The following CFAP299 variants were observed in gnomAD, a reference collection of about 807,000 sequenced individuals.
CFAP299 encodes the protein cilia- and flagella-associated protein 299.
In CFAP299, 21 loss-of-function variants were observed where a neutral mutation model predicts 27.0. That is an observed-to-expected ratio of 0.78 (90% CI 0.55 to 1.12). The LOEUF (loss-of-function observed/expected upper bound fraction) is 1.12, where lower values mean the gene tolerates loss of function less well. CFAP299 is among the 50% of genes most tolerant of loss of function. CFAP299 has a pLI of 0.00. For synonymous variants in CFAP299, 104 were observed against 98.1 expected (o/e 1.06, Z -0.36); for missense variants, 310 against 276.6 (o/e 1.12, Z -0.86).
chr4:80,626,939 C>G (rs780262029), intron 3 of CFAP299, among the ~76,000 whole-genome samples: 14 of 151,678 alleles, frequency 9.2e-5, no homozygotes, highest in Non-Finnish European at 1.5e-4. Flanking sequence ...AAAAATTTTG[C>G]TTAACTCTTC....
In CFAP299 at chr4:80,572,507, G is replaced by GTT. The variant is rs550414533; in HGVS notation, c.243-10559_243-10558dup. Among the ~76,000 whole-genome samples, 198 of 36,380 alleles carry GTT rather than the reference G, an allele frequency of 5.4e-3. 52 individuals carry two copies. The highest frequency in any genetic ancestry group is 0.018 in the South Asian group (9 of 512). The allele number at this position is 36,380 out of a possible 152,430, so 23.9% of individuals were successfully genotyped here. ...TGTTGTTGCACATGACTGGATCCCA[G>GTT]TTTTTTTTTTTTTTTTTTTTTTTTT... is the stretch of plus-strand genomic sequence containing the variant. On this transcript the variant is annotated intron_variant, in intron 2 of 5. Transcript: ENST00000358105.
At chr4:80,939,534 C>T (rs1737086839) in intron 4 of CFAP299, among the ~76,000 whole-genome samples, 1 of 151,934 alleles carries the variant, frequency 6.6e-6, no homozygotes, top group South Asian at 2.1e-4. Context: ...GAATTTCTCA[C>T]TTTGTTTATG....
At chr4:80,386,384 C>T (rs1280423543) in intron 2 of CFAP299, 10 of 1,526,640 alleles carry the variant, frequency 6.6e-6, no homozygotes, top group African/African-American at 4.1e-5. Context: ...CCGGGACGGC[C>T]TCGGGCACCA....
chr4:80,422,748 G>A (rs949926640), intron 2 of CFAP299, among the ~76,000 whole-genome samples: 1 of 152,138 alleles, frequency 6.6e-6, no homozygotes, highest in African/African-American at 2.4e-5. Flanking sequence ...TGGCACTGGG[G>A]ATGAGGCAGC....
At chr4:80,363,025 A>G (rs1174526157) in intron 2 of CFAP299, 141 bp downstream of exon 2, 2 of 921,642 alleles carry the variant, frequency 2.2e-6, no homozygotes, top group Non-Finnish European at 3.0e-6. Flanking sequence ...TGTTCTGCAG[A>G]TGAGGAACTG....
intron 2 of CFAP299, among the ~76,000 whole-genome samples, chr4:80,480,862 A>G (rs1015517396): frequency 1.3e-5 from 2 of 152,076 alleles, no homozygotes; most frequent in African/African-American, 4.8e-5. Context: ...CCCATAAAAT[A>G]TTTTTAAAAT....
intron 3 of CFAP299, among the ~76,000 whole-genome samples, chr4:80,674,908 A>G (rs1719328690): frequency 6.6e-6 from 1 of 152,094 alleles, no homozygotes; most frequent in African/African-American, 2.4e-5. Flanking sequence ...TGTTTATTCT[A>G]GTTAGCCATT....
chr4:80,590,374 C>T (rs561865331), intron 3 of CFAP299, among the ~76,000 whole-genome samples: 1 of 152,270 alleles, frequency 6.6e-6, no homozygotes, highest in Non-Finnish European at 1.5e-5. Flanking sequence ...CACAGTGGCT[C>T]ATGCCTGTAA....
At chr4:80,616,349 T>A (rs1381846982) in intron 3 of CFAP299, among the ~76,000 whole-genome samples, 1 of 152,174 alleles carries the variant, frequency 6.6e-6, no homozygotes, top group East Asian at 1.9e-4. Flanking sequence ...TAAAGTTTTG[T>A]ATATACATAT....
chr4:80,859,403 C>G (rs1228252042), intron 3 of CFAP299, among the ~76,000 whole-genome samples: 2 of 151,888 alleles, frequency 1.3e-5, no homozygotes, highest in African/African-American at 4.8e-5. Context: ...GCATTTAGTC[C>G]ATTTACATTT....
At chr4:80,572,507 G>GTTT (rs550414533) in intron 2 of CFAP299, among the ~76,000 whole-genome samples, 1,113 of 36,338 alleles carry the variant, frequency 0.031, 304 homozygotes, top group East Asian at 0.2. Context: ...CTGGATCCCA[G>GTTT]TTTTTTTTTT....
At chr4:80,387,915 C>T in intron 2 of CFAP299, 1 of 869,012 alleles carries the variant, frequency 1.2e-6, no homozygotes, top group Non-Finnish European at 1.9e-6. Flanking sequence ...TGGCACTGGT[C>T]ATGGGGCAGC....
chr4:80,588,205 G>A (rs189240101), intron 3 of CFAP299, among the ~76,000 whole-genome samples: 1 of 151,156 alleles, frequency 6.6e-6, no homozygotes, highest in Admixed American at 6.5e-5. Context: ...GTGGGAGATG[G>A]AGAAGTGGCT....
At chr4:80,617,638 G>A (rs1208915370) in intron 3 of CFAP299, among the ~76,000 whole-genome samples, 3 of 152,086 alleles carry the variant, frequency 2.0e-5, no homozygotes, top group Non-Finnish European at 4.4e-5. Context: ...AAGGGTGGCA[G>A]ACATAAATTC....
At position 80,571,649 on chromosome 4, in the gene CFAP299, G is replaced by T. The variant is rs557044450; in HGVS notation, c.243-11444G>T. Among the ~76,000 whole-genome samples, 89 of 151,972 alleles carry T rather than the reference G, an allele frequency of 5.9e-4. 1 individual carries two copies. Among genetic ancestry groups the T allele is most frequent in the African/African-American group, 2.0e-3 (82 of 41,330 alleles). ...CTAACCCCAAATATCATGGTATTTG[G>T]AGACTGAGGCTTTGGGAGGTCACTA... is the stretch of plus-strand genomic sequence containing the variant. On this transcript the variant is annotated intron_variant, in intron 2 of 5. Coordinates refer to ENST00000358105, the MANE Select transcript of CFAP299 (RefSeq NM_152770.3).
intron 3 of CFAP299, among the ~76,000 whole-genome samples, chr4:80,819,643 A>T (rs966277469): frequency 1.3e-5 from 2 of 152,194 alleles, no homozygotes; most frequent in African/African-American, 4.8e-5. Flanking sequence ...TAAAATAACG[A>T]TCTCTATGTA....
chr4:80,329,521 A>C, the CFAP299 span, among the ~76,000 whole-genome samples: 1 of 152,268 alleles, frequency 6.6e-6, no homozygotes, highest in Non-Finnish European at 1.5e-5. Flanking sequence ...TGTTTCAATA[A>C]GTGAGATTGA....
At position 80,443,003 on chromosome 4, in the gene CFAP299, G is replaced by C. The variant is rs984927921; in HGVS notation, c.242+80119G>C. On this transcript the variant is annotated intron_variant, in intron 2 of 5. Coordinates refer to ENST00000358105, the MANE Select transcript of CFAP299 (RefSeq NM_152770.3). ...CTAAACCAGGAGAAGTCGAATCCCT[G>C]AATAGACTAATAACAAGTTCTGAAA... 7.2e-5 allele frequency among the ~76,000 whole-genome samples: 11 copies of C among 152,160 alleles called. No individual in the cohort carries two copies. The South Asian group carries it at 2.3e-3, about 32-fold the overall frequency.
chr4:80,521,611 A>C (rs1245494047), intron 2 of CFAP299, among the ~76,000 whole-genome samples: 2 of 151,970 alleles, frequency 1.3e-5, no homozygotes, highest in African/African-American at 4.8e-5. Context: ...ACAACAGCTC[A>C]CCACTTCCCC....
Sources: allele counts gnomAD v4.1 joint callset (sites outside exome capture counted in the v4.1 genomes callset), GRCh38; gene constraint gnomAD v4.1.1; transcripts MANE v1.5; gene names NCBI Gene and HGNC (gene_info 2026-07-23, HGNC 2026-07-21).